PFKM: variants seen among roughly 807,000 people sequenced by gnomAD.
PFKM encodes phosphofructokinase, muscle.
In PFKM, 58 loss-of-function variants were observed where a neutral mutation model predicts 95.5. That is an observed-to-expected ratio of 0.61 (90% confidence interval 0.49 to 0.76). PFKM has a LOEUF of 0.76. Among genes scored for constraint, PFKM ranks in the 30% least tolerant of loss-of-function variants. PFKM has a pLI of 0.00. For synonymous variants in PFKM, 336 were observed against 357.2 expected, an observed-to-expected ratio of 0.94 and a Z score of 0.67; for missense variants, 678 against 1,005.4, an observed-to-expected ratio of 0.67 and a Z score of 4.40.
chr12:48,136,240 A>C (rs1950078583), intron 10 of PFKM, among the ~76,000 whole-genome samples: 1 of 152,120 alleles, frequency 6.6e-6, no homozygotes, highest in Non-Finnish European at 1.5e-5. Flanking sequence ...TTTGTCTGTA[A>C]TTTTTAATCT....
chr12:48,131,961 A>C (rs563599567), intron 4 of PFKM: 2 of 454,922 alleles, frequency 4.4e-6, no homozygotes, highest in South Asian at 3.1e-5. Context: ...AGAGAAATAC[A>C]ATCATTTGCT....
At chr12:48,118,532 A>C, upstream of PFKM, 2 of 1,526,616 alleles carry the variant, frequency 1.3e-6, no homozygotes, top group Non-Finnish European at 1.8e-6. Context: ...GGCAGTGGTA[A>C]AAGCAAGAGG....
chr12:48,137,538 A>G, intron 10 of PFKM, 183 bp from the exon 11 acceptor site: 1 of 662,726 alleles, frequency 1.5e-6, no homozygotes, highest in Non-Finnish European at 2.7e-6. Flanking sequence ...AAGAATACAG[A>G]GTCATCAAGC....
intron 10 of PFKM, chr12:48,137,261 C>G (rs1950187226): frequency 4.7e-6 from 1 of 213,824 alleles, no homozygotes; most frequent in Admixed American, 5.3e-5. Flanking sequence ...CGGGGTTCCA[C>G]CATGCTAGCC....
chr12:48,106,979 G>C (rs531799202), intron 1 of PFKM, among the ~76,000 whole-genome samples: 2 of 152,310 alleles, frequency 1.3e-5, no homozygotes, highest in Non-Finnish European at 2.9e-5. Context: ...AAATATGTTT[G>C]TTCATTCAGG....
intron 3 of PFKM, 81 bp downstream of exon 3, chr12:48,130,517 G>A: frequency 9.8e-7 from 1 of 1,020,588 alleles, no homozygotes; most frequent in Non-Finnish European, 1.6e-6. Context: ...CACATTCTGT[G>A]TCCTTACCTC....
At chr12:48,135,230 G>C in intron 9 of PFKM, 61 bp from the exon 10 acceptor site, 1 of 1,428,170 alleles carries the variant, frequency 7.0e-7, no homozygotes, top group South Asian at 1.1e-5. Context: ...CCAAGTCTCT[G>C]CTTGTTTTCT....
In PFKM at chr12:48,145,162, G is replaced by C; in HGVS notation, c.2092+32G>C. On this transcript the variant is annotated intron_variant, in intron 21 of 22. Transcript: ENST00000359794. The surrounding 1 kb of genome is among the most constrained non-coding windows in gnomAD (Gnocchi z 4.3). The stretch of plus-strand genomic sequence containing the variant: ...GGGGTGAGAGCGAGTGCCCTCTATA[G>C]AGGCTGGTTCCCCAGTATAGAAGCT... 6.2e-7 allele frequency: 1 copy of C among 1,610,178 alleles called. No individual in the cohort carries two copies. Among genetic ancestry groups the C allele is most frequent in the Non-Finnish European group, 8.5e-7 (1 of 1,176,386 alleles).
rs528904216 is a variant in PFKM, at chr12:48,131,571, T to C, written c.237+178T>C. On this transcript the variant is annotated intron_variant, in intron 4 of 22. Transcript: ENST00000359794. ...AGCATTTGAAAATACCACCCTGGTT[T>C]CCTGGGGCAGGGAGAGGGTGGAGGA... is the stretch of plus-strand genomic sequence containing the variant. 16 of 665,704 alleles carry C rather than the reference T, an allele frequency of 2.4e-5. No individual in the cohort carries two copies. In the Admixed American group the frequency reaches 3.4e-4, roughly 14 times the overall value. 41.2% of individuals were successfully genotyped at this position (665,704 alleles called of 1,614,324 possible).
At chr12:48,106,081 A>G in exon 1 of PFKM, 1 of 702,570 alleles carries the variant, frequency 1.4e-6, no homozygotes, top group Non-Finnish European at 2.6e-6. Flanking sequence ...GCGGAACGCA[A>G]AACCCGGGAA....
At chr12:48,129,275 G>A (rs188912022) in intron 2 of PFKM, among the ~76,000 whole-genome samples, 2 of 114,768 alleles carry the variant, frequency 1.7e-5, no homozygotes, top group East Asian at 5.8e-4. Flanking sequence ...TGCCCAGGCT[G>A]GTCTCAAACT....
chr12:48,114,259 G>A (rs763225283), intron 3 of PFKM, among the ~76,000 whole-genome samples: 8 of 152,190 alleles, frequency 5.3e-5, no homozygotes, highest in Non-Finnish European at 8.8e-5. Context: ...GACAGAGCTC[G>A]ATGTCGGAAT....
At chr12:48,143,232 T>A (rs1950730685) in intron 18 of PFKM, among the ~76,000 whole-genome samples, 1 of 152,210 alleles carries the variant, frequency 6.6e-6, no homozygotes, top group Admixed American at 6.5e-5. Context: ...GAAGATACTA[T>A]CTCCATATAA....
chr12:48,108,243 A>G (rs766839353), intron 3 of PFKM: 10 of 1,569,718 alleles, frequency 6.4e-6, no homozygotes, highest in Non-Finnish European at 8.6e-6. Context: ...AATATGGGAA[A>G]GTGAAAGTTG....
rs1390986448 is a variant in PFKM, at chr12:48,134,962, G to A, written c.767G>A (p.Arg256His). The A allele has an allele frequency of 4.3e-6, 7 of 1,613,936 alleles. No individual in the cohort carries two copies. Among genetic ancestry groups the A allele is most frequent in the Non-Finnish European group, 5.9e-6 (7 of 1,179,912 alleles). The change falls in exon 9 of 23, where the codon CGT becomes CAT. Residue 256 changes from arginine (R) to histidine (H), a missense_variant. By Grantham distance (29) the Arg-to-His change is conservative. Transcript: ENST00000359794. Reference protein sequence around the residue: ...RLSETRTRGSRLNIIIVAEGA... With the variant: ...RLSETRTRGSHLNIIIVAEGA... ...AACCAGACAAGGACCCGTGGTTCTC[G>A]TCTCAACATCATCATTGTGGCTGAG... is the stretch of plus-strand genomic sequence containing the variant.
At chr12:48,113,550 TGCAGGCATTGGTTG>T (rs1947394650) in intron 3 of PFKM, among the ~76,000 whole-genome samples, 1 of 152,164 alleles carries the variant, frequency 6.6e-6, no homozygotes, top group Non-Finnish European at 1.5e-5. Context: ...AATCCCGGGC[TGCAGGCATTGGTTG>T]GCCCAAGTGG....
chr12:48,119,526 G>A lies in PFKM; in HGVS notation c.-9+120G>A, dbSNP rs192050526. 2.2e-5 allele frequency: 11 copies of A among 506,926 alleles called. No individual in the cohort carries two copies. The East Asian group carries it at 1.6e-3, about 76-fold the overall frequency. 31.4% of individuals were successfully genotyped at this position (506,926 alleles called of 1,614,324 possible). On this transcript the variant is annotated intron_variant, in intron 1 of 22. Transcript: ENST00000359794. The stretch of plus-strand genomic sequence containing the variant: ...AGCAGAAAGGAAAAGAAGAGATACG[G>A]CATCCTAAGCTGGAGCCGAGAGGGG...
At position 48,108,259 on chromosome 12, in the gene PFKM, A is replaced by G; in HGVS notation, c.205+65A>G. ...ATATGGGAAAGTGAAAGTTGTATGC[A>G]TAGTATTATAAATCAGCGTAGACCT... On this transcript the variant is annotated intron_variant, in intron 3 of 24. Transcript: ENST00000340802. 4 of 1,499,236 alleles carry G rather than the reference A, an allele frequency of 2.7e-6. No individual in the cohort carries two copies. In the Admixed American group the frequency reaches 7.1e-5, roughly 27 times the overall value. The allele number at this position is 1,499,236 out of a possible 1,614,324, so 92.9% of individuals were successfully genotyped here. A position where few individuals can be genotyped will look rare whatever the true frequency, so the allele number is the denominator to read the frequency against.
At chr12:48,112,097 G>A (rs867010624) in intron 3 of PFKM, among the ~76,000 whole-genome samples, 4 of 152,248 alleles carry the variant, frequency 2.6e-5, no homozygotes, top group Non-Finnish European at 4.4e-5. Flanking sequence ...TAAGAACTCC[G>A]ACTGCACGGC....
Sources: allele counts gnomAD v4.1 joint callset (sites outside exome capture counted in the v4.1 genomes callset), GRCh38; gene constraint gnomAD v4.1.1; non-coding constraint Gnocchi (gnomAD v3.1); transcripts MANE v1.5; gene names NCBI Gene and HGNC (gene_info 2026-07-23, HGNC 2026-07-21).